SULF1: variants seen among roughly 807,000 people sequenced by gnomAD.
SULF1 encodes sulfatase 1.
A neutral mutation model predicts 110.5 loss-of-function variants in SULF1; 46 were observed. The observed-to-expected ratio is 0.42, with a 90% confidence interval of 0.33 to 0.53. The LOEUF (loss-of-function observed/expected upper bound fraction) is 0.53. SULF1 is among the 20% of genes least tolerant of loss of function. SULF1 has a pLI of 0.12. For missense variants in SULF1, 941 were observed against 1,094.2 expected, an observed-to-expected ratio of 0.86 and a Z score of 1.98; for synonymous variants, 371 against 387.1, an observed-to-expected ratio of 0.96 and a Z score of 0.49.
At chr8:69,571,592 G>T (rs147117708) in intron 5 of SULF1, among the ~76,000 whole-genome samples, 8 of 152,268 alleles carry the variant, frequency 5.3e-5, no homozygotes, top group African/African-American at 1.9e-4. Flanking sequence ...AATCAGCACC[G>T]TTTGCATTTC....
At chr8:69,620,906 A>T (rs1809543882) in intron 13 of SULF1, 129 bp from the exon 14 acceptor site, 1 of 656,982 alleles carries the variant, frequency 1.5e-6, no homozygotes, top group Admixed American at 3.1e-5. Flanking sequence ...GCCTTTCTTC[A>T]TTCACTCTCC....
At chr8:69,593,032 A>G in intron 8 of SULF1, 1 of 896,936 alleles carries the variant, frequency 1.1e-6, no homozygotes, top group Non-Finnish European at 1.3e-6. Context: ...ATGAAAATTC[A>G]TGTGATTGTT....
chr8:69,549,669 C>A (rs1814551562), intron 3 of SULF1, among the ~76,000 whole-genome samples: 1 of 152,142 alleles, frequency 6.6e-6, no homozygotes, highest in Non-Finnish European at 1.5e-5. Flanking sequence ...GGACAGCTTT[C>A]TGTTTCTGGA....
intron 22 of SULF1, among the ~76,000 whole-genome samples, chr8:69,648,004 A>C (rs750930156): frequency 4.0e-5 from 6 of 151,606 alleles, no homozygotes; most frequent in African/African-American, 1.5e-4. Context: ...CAGGACGCCA[A>C]AATCAGAACC....
chr8:69,641,733 G>A (rs1811488602), intron 22 of SULF1, among the ~76,000 whole-genome samples: 2 of 151,976 alleles, frequency 1.3e-5, no homozygotes, highest in African/African-American at 4.8e-5. Flanking sequence ...GACAGAGAGA[G>A]ACCCTGTCTC....
chr8:69,566,432 C>T (rs1335460037), intron 5 of SULF1, among the ~76,000 whole-genome samples: 1 of 152,254 alleles, frequency 6.6e-6, no homozygotes, highest in East Asian at 1.9e-4. Flanking sequence ...CCAAGTATTG[C>T]CTTCTGTTGG....
chr8:69,631,866 C>G (rs887055432), intron 19 of SULF1, among the ~76,000 whole-genome samples: 1 of 152,242 alleles, frequency 6.6e-6, no homozygotes, highest in Admixed American at 6.5e-5. Context: ...ATTTGATACG[C>G]TCTATCAGCA....
intron 22 of SULF1, among the ~76,000 whole-genome samples, chr8:69,655,260 C>A (rs910196189): frequency 3.9e-5 from 6 of 152,154 alleles, no homozygotes; most frequent in Non-Finnish European, 5.9e-5. Context: ...TCTGACAGTG[C>A]AAGAGGAATA....
At position 69,526,985 on chromosome 8, in the gene SULF1, AAG is replaced by A. The variant is rs1812742741; in HGVS notation, c.-134+25023_-134+25024del. 2.0e-5 allele frequency among the ~76,000 whole-genome samples: 3 copies of A among 152,224 alleles called. No homozygotes were observed. The South Asian group carries it at 6.2e-4, about 32-fold the overall frequency. ...ATAATAGACTCTTGTAAGTGTCTGAAAGAGAGAATTAATCCAAAAGTACTTTA... is the reference window on the plus strand; with the variant it reads ...ATAATAGACTCTTGTAAGTGTCTGAAAGAGAATTAATCCAAAAGTACTTTA... On this transcript the variant is annotated intron_variant, in intron 3 of 22. Coordinates refer to ENST00000402687, the MANE Select transcript of SULF1 (RefSeq NM_001128205.2).
At chr8:69,651,056 CTT>C (rs1473830022) in intron 22 of SULF1, among the ~76,000 whole-genome samples, 6 of 137,470 alleles carry the variant, frequency 4.4e-5, no homozygotes, top group Admixed American at 1.4e-4. Flanking sequence ...TTTTTCTTTT[CTT>C]TTTTTTTTTT....
chr8:69,498,111 CTCCACACACA>C (rs1480462890), intron 2 of SULF1, among the ~76,000 whole-genome samples: 1 of 104,192 alleles, frequency 9.6e-6, no homozygotes, highest in African/African-American at 3.7e-5. Flanking sequence ...CTCTCTCTCT[CTCCACACACA>C]CACACACACA....
chr8:69,660,874 A>T lies in SULF1; in HGVS notation c.*2339A>T, dbSNP rs1194797875. 6.5e-6 allele frequency: 1 copy of T among 152,676 alleles called. No individual in the cohort carries two copies. Among genetic ancestry groups the T allele is most frequent in the Admixed American group, 6.5e-5 (1 of 15,280 alleles). The allele number at this position is 152,676 out of a possible 1,614,324, so 9.5% of individuals were successfully genotyped here. On this transcript the variant is annotated 3_prime_UTR_variant, in exon 23 of 23. Transcript: ENST00000402687. ...AACAATTCTGGCTTCAGGAAAGTCT[A>T]GAAGCAATATTTCTTCAAATAAAAG... is the stretch of plus-strand genomic sequence containing the variant.
intron 1 of SULF1, among the ~76,000 whole-genome samples, chr8:69,475,413 A>AT (rs959669375): frequency 3.8e-5 from 5 of 130,064 alleles, no homozygotes; most frequent in African/African-American, 1.4e-4. Flanking sequence ...GTTCAAATAA[A>AT]TTAAAAAAAA....
chr8:69,655,253 G>A (rs1283226629), intron 22 of SULF1, among the ~76,000 whole-genome samples: 2 of 152,150 alleles, frequency 1.3e-5, no homozygotes, highest in East Asian at 3.9e-4. Flanking sequence ...TTATATGTCT[G>A]ACAGTGCAAG....
chr8:69,564,560 A>G (rs1815730460), intron 5 of SULF1, among the ~76,000 whole-genome samples: 1 of 152,252 alleles, frequency 6.6e-6, no homozygotes, highest in Non-Finnish European at 1.5e-5. Flanking sequence ...GGTTATTAGT[A>G]TTAGAGTGGA....
At chr8:69,502,022 A>G (rs1810832976) in intron 3 of SULF1, 54 bp downstream of exon 3, 1 of 152,178 alleles carries the variant, frequency 6.6e-6, no homozygotes, top group African/African-American at 2.4e-5. Context: ...TGGGCACTCT[A>G]TGTCACTTGA....
chr8:69,616,448 C>T (rs1284801415), intron 13 of SULF1, among the ~76,000 whole-genome samples: 4 of 151,920 alleles, frequency 2.6e-5, no homozygotes, highest in Admixed American at 2.6e-4. Flanking sequence ...GTCACCCAGC[C>T]CGGAATGCAG....
At chr8:69,652,670 A>C (rs1281986414) in intron 22 of SULF1, among the ~76,000 whole-genome samples, 1 of 152,206 alleles carries the variant, frequency 6.6e-6, no homozygotes, top group African/African-American at 2.4e-5. Context: ...TATAACCTAA[A>C]TAGAGTTGTA....
At chr8:69,510,115 C>A (rs1230813195) in intron 3 of SULF1, among the ~76,000 whole-genome samples, 4 of 152,092 alleles carry the variant, frequency 2.6e-5, no homozygotes, top group African/African-American at 9.7e-5. Flanking sequence ...GAGCTATTGG[C>A]TTTTGTGGAT....
Sources: allele counts gnomAD v4.1 joint callset (sites outside exome capture counted in the v4.1 genomes callset), GRCh38; gene constraint gnomAD v4.1.1; transcripts MANE v1.5; gene names NCBI Gene and HGNC (gene_info 2026-07-23, HGNC 2026-07-21).